ADAMTSL1: variants seen among roughly 807,000 people sequenced by gnomAD.
ADAMTSL1 encodes ADAMTS like 1.
In ADAMTSL1, 126 loss-of-function variants were observed where a neutral mutation model predicts 201.8. That is an observed-to-expected ratio of 0.62 (90% CI 0.54 to 0.72). The LOEUF is 0.72. Among genes scored for constraint, ADAMTSL1 ranks in the 30% least tolerant of loss-of-function variants. The pLI is 0.00. For synonymous variants in ADAMTSL1, 1,121 were observed against 903.4 expected, an observed-to-expected ratio of 1.24 and a Z score of -4.32; for missense variants, 2,679 against 2,277.8, an observed-to-expected ratio of 1.18 and a Z score of -3.59.
chr9:17,910,024 T>C lies in ADAMTSL1; in HGVS notation c.87+3102T>C. On this transcript the variant is annotated intron_variant, in intron 1 of 29. Transcript: ENST00000680146. ...AAGAATCATGGCCCCAGAAGTAAAC[T>C]CGAAGAACAGTAAAGAAGGCCTGAG... Among the ~76,000 whole-genome samples the C allele has an allele frequency of 3.0e-5, 2 of 65,966 alleles. 1 individual carries two copies. The highest frequency in any genetic ancestry group is 9.1e-3 in the East Asian group (2 of 220). 43.3% of individuals were successfully genotyped at this position (65,966 alleles called of 152,430 possible). A position where few individuals can be genotyped will look rare whatever the true frequency, so the allele number is the denominator to read the frequency against.
At chr9:18,257,355 A>C (rs1341001567) in intron 2 of ADAMTSL1, among the ~76,000 whole-genome samples, 2 of 152,232 alleles carry the variant, frequency 1.3e-5, no homozygotes, top group African/African-American at 4.8e-5. Flanking sequence ...AAAAATTTGC[A>C]ATGGACTTGA....
Position 18,826,272 on chromosome 9 carries a change from T to C in ADAMTSL1, c.3935-12T>C, listed in dbSNP as rs1314625750. 8.8e-6 allele frequency: 14 copies of C among 1,597,238 alleles called. No individual in the cohort carries two copies. The highest frequency in any genetic ancestry group is 1.2e-5 in the Non-Finnish European group (14 of 1,171,686). On this transcript the variant is annotated splice_polypyrimidine_tract_variant and intron_variant, in intron 21 of 28. Coordinates refer to ENST00000380548, the MANE Select transcript of ADAMTSL1 (RefSeq NM_001040272.6). ...ATGAGTGGGGTTTTTTGTTTTTTTT[T>C]TTTCTTCCTAGGAGTGCCTGAAGCT...
chr9:18,647,241 T>C (rs1483926536), intron 7 of ADAMTSL1, among the ~76,000 whole-genome samples: 1 of 152,222 alleles, frequency 6.6e-6, no homozygotes, highest in Non-Finnish European at 1.5e-5. Context: ...ATATCCCCTT[T>C]ATCATTTTTT....
At chr9:18,078,091 A>G (rs997510890) in intron 1 of ADAMTSL1, among the ~76,000 whole-genome samples, 2 of 152,254 alleles carry the variant, frequency 1.3e-5, no homozygotes, top group Non-Finnish European at 2.9e-5. Flanking sequence ...AGCCTGCTAC[A>G]CAGATAAAAG....
At chr9:18,639,501 A>T (rs1827312895) in intron 7 of ADAMTSL1, 90 bp downstream of exon 7, 3 of 1,490,252 alleles carry the variant, frequency 2.0e-6, no homozygotes, top group Non-Finnish European at 2.7e-6. Context: ...TTTGGTTCTG[A>T]CATATGTTTG....
At chr9:18,742,617 T>C (rs533093832) in intron 15 of ADAMTSL1, among the ~76,000 whole-genome samples, 11 of 152,258 alleles carry the variant, frequency 7.2e-5, no homozygotes, top group African/African-American at 2.4e-4. Flanking sequence ...GTCCTTGATC[T>C]TGAGGTAGGA....
chr9:17,977,146 A>C (rs1247907895), intron 1 of ADAMTSL1, among the ~76,000 whole-genome samples: 3 of 152,020 alleles, frequency 2.0e-5, no homozygotes, highest in African/African-American at 7.2e-5. Context: ...GTGTATGTTA[A>C]AATATCCTTG....
At chr9:18,285,036 A>C (rs1039286295) in intron 2 of ADAMTSL1, among the ~76,000 whole-genome samples, 1 of 152,136 alleles carries the variant, frequency 6.6e-6, no homozygotes, top group Admixed American at 6.5e-5. Context: ...GACACATCTC[A>C]TGATTTTCTT....
At chr9:18,740,478 C>CT (rs11449360) in intron 15 of ADAMTSL1, among the ~76,000 whole-genome samples, 34,998 of 105,312 alleles carry the variant, frequency 0.33, 6,388 homozygotes, top group Middle Eastern at 0.4. Flanking sequence ...TTTCTTTTAT[C>CT]TTTTTTTTTT....
chr9:18,798,933 C>T (rs780368358), intron 20 of ADAMTSL1, among the ~76,000 whole-genome samples: 1 of 152,220 alleles, frequency 6.6e-6, no homozygotes, highest in African/African-American at 2.4e-5. Context: ...CTATAAAATA[C>T]TGTCTTTTGT....
At chr9:18,323,236 T>A (rs946261038) in intron 2 of ADAMTSL1, among the ~76,000 whole-genome samples, 6 of 152,144 alleles carry the variant, frequency 3.9e-5, no homozygotes, top group African/African-American at 9.7e-5. Flanking sequence ...GCTTGACATT[T>A]GAAAATCAAT....
At chr9:18,886,444 C>T (rs1828904064) in intron 23 of ADAMTSL1, among the ~76,000 whole-genome samples, 1 of 152,058 alleles carries the variant, frequency 6.6e-6, no homozygotes, top group African/African-American at 2.4e-5. Flanking sequence ...GGCACCCACA[C>T]ATCCACAGAG....
intron 2 of ADAMTSL1, among the ~76,000 whole-genome samples, chr9:18,221,012 A>G (rs1364394786): frequency 6.6e-6 from 1 of 152,036 alleles, no homozygotes; most frequent in African/African-American, 2.4e-5. Flanking sequence ...TGAGCCTAAG[A>G]GACCCACCCT....
intron 2 of ADAMTSL1, among the ~76,000 whole-genome samples, chr9:18,314,781 G>GTTT (rs1563880361): frequency 4.4e-5 from 3 of 67,908 alleles, no homozygotes; most frequent in Admixed American, 2.2e-4. Context: ...TCGGCAGCGT[G>GTTT]CTTTTTTTTT....
chr9:18,379,338 C>T (rs1230977192), intron 2 of ADAMTSL1, among the ~76,000 whole-genome samples: 1 of 152,170 alleles, frequency 6.6e-6, no homozygotes, highest in South Asian at 2.1e-4. Flanking sequence ...GAGGAAATCC[C>T]CTCTGCTCTA....
At chr9:18,069,298 A>G (rs1263272753) in intron 1 of ADAMTSL1, among the ~76,000 whole-genome samples, 1 of 152,128 alleles carries the variant, frequency 6.6e-6, no homozygotes. Flanking sequence ...TATTCCACCT[A>G]TTTTAGTTTA....
intron 1 of ADAMTSL1, among the ~76,000 whole-genome samples, chr9:18,057,048 G>A (rs888338384): frequency 1.3e-5 from 2 of 152,114 alleles, no homozygotes; most frequent in African/African-American, 4.8e-5. Flanking sequence ...GGGGCATCTG[G>A]AAACATCCAG....
chr9:17,916,808 A>G (rs1293732325), intron 1 of ADAMTSL1, among the ~76,000 whole-genome samples: 1 of 152,212 alleles, frequency 6.6e-6, no homozygotes, highest in African/African-American at 2.4e-5. Flanking sequence ...CAGATTGCCA[A>G]TTAAAAGATG....
rs1424659023 is a variant in ADAMTSL1 at position 18,574,092 on chromosome 9, G to A, written c.300G>A (p.Lys100=). Residue 100 remains lysine (K), a synonymous_variant, in exon 4 of 29, where the codon AAG becomes AAA. Coordinates refer to ENST00000380548, the MANE Select transcript of ADAMTSL1 (RefSeq NM_001040272.6). ...AQQCSAHNDV[K]HHGQFYEWLP... The stretch of plus-strand genomic sequence containing the variant: ...AATGCTCAGCTCATAATGATGTCAA[G>A]CACCATGGCCAGTTTTATGAATGGC... 2.1e-5 allele frequency: 34 copies of A among 1,613,970 alleles called. No homozygotes were observed. Among genetic ancestry groups the A allele is most frequent in the Non-Finnish European group, 1.7e-6 (2 of 1,180,020 alleles).
Sources: gnomAD v4.1 joint callset for allele counts (sites outside exome capture counted in the v4.1 genomes callset) on GRCh38, gnomAD v4.1.1 for gene constraint, MANE v1.5 for transcripts, NCBI Gene and HGNC (gene_info 2026-07-23, HGNC 2026-07-21) for gene names.